Variants in LAMA4 observed in about 807,000 individuals in gnomAD.
LAMA4 encodes laminin subunit alpha-4.
LAMA4 carries 127 observed loss-of-function variants against 207.1 expected under a neutral mutation model. The ratio of observed to expected loss-of-function variants is 0.61; its 90% confidence interval spans 0.53 to 0.71. The LOEUF (loss-of-function observed/expected upper bound fraction) is 0.71. Among genes scored for constraint, LAMA4 ranks in the 30% least tolerant of loss-of-function variants. The pLI, the probability that LAMA4 is intolerant of heterozygous loss-of-function variation, is 0.00. For synonymous variants in LAMA4, 761 were observed against 816.0 expected (o/e 0.93, Z 1.15); for missense variants, 2,093 against 2,246.5 (o/e 0.93, Z 1.38).
Position 112,253,910 on chromosome 6 carries a change from G to A in LAMA4, c.195+46C>T, listed in dbSNP as rs1554190413. Reference sequence around the variant, plus strand: ...AAGGACGAGTGTGGCACAGCCCGCGGGGGCGCAGGTGCCCCAGCAGGGTGG... The same window carrying A: ...AAGGACGAGTGTGGCACAGCCCGCGAGGGCGCAGGTGCCCCAGCAGGGTGG... On this transcript the variant is annotated intron_variant, in intron 2 of 38. Transcript: ENST00000230538. The A allele has an allele frequency of 1.9e-6, 3 of 1,613,132 alleles. No individual in the cohort carries two copies. The African/African-American group carries it at 4.0e-5, about 22-fold the overall frequency.
intron 4 of LAMA4, among the ~76,000 whole-genome samples, chr6:112,203,073 G>A (rs1441965100): frequency 6.6e-6 from 1 of 152,192 alleles, no homozygotes; most frequent in Non-Finnish European, 1.5e-5. Flanking sequence ...ACTGGTCTCT[G>A]TGGCGAAGGC....
chr6:112,240,366 G>A (rs1786321140), intron 2 of LAMA4, among the ~76,000 whole-genome samples: 1 of 152,086 alleles, frequency 6.6e-6, no homozygotes. Flanking sequence ...AGAGAATGGT[G>A]TATCCATCCC....
intron 17 of LAMA4, among the ~76,000 whole-genome samples, chr6:112,148,718 A>G (rs1444277142): frequency 3.3e-5 from 5 of 152,056 alleles, no homozygotes; most frequent in African/African-American, 4.8e-5. Flanking sequence ...TTTTTTTAAT[A>G]GAAAAAAAGC....
intron 9 of LAMA4, chr6:112,180,051 C>A: frequency 2.6e-6 from 1 of 391,060 alleles, no homozygotes; most frequent in South Asian, 2.0e-5. Context: ...AATACGGACA[C>A]AAGCATTTAA....
chr6:112,192,053 T>C (rs181711586), intron 5 of LAMA4, among the ~76,000 whole-genome samples: 2 of 152,368 alleles, frequency 1.3e-5, no homozygotes, highest in East Asian at 3.9e-4. Flanking sequence ...ATCATTTGGT[T>C]CACTTCATCT....
rs918304609 is a variant in LAMA4 at position 112,165,286 on chromosome 6, G to A, written c.1552-10C>T. 3 of 1,529,380 alleles carry A rather than the reference G, an allele frequency of 2.0e-6. No individual in the cohort carries two copies. Among genetic ancestry groups the A allele is most frequent in the African/African-American group, 2.7e-5 (2 of 73,320 alleles). The allele number at this position is 1,529,380 out of a possible 1,614,324, so 94.7% of individuals were successfully genotyped here. On this transcript the variant is annotated splice_polypyrimidine_tract_variant and intron_variant, in intron 12 of 38. Coordinates refer to ENST00000230538, the MANE Select transcript of LAMA4 (RefSeq NM_001105206.3). ...CTCTTTCCTGTTGTTTCTGCGGGAA[G>A]GAAGAGTAAGGGAGAGTGAAGTGAA...
chr6:112,139,107 T>C lies in LAMA4; in HGVS notation c.3282+13A>G, dbSNP rs369965123. 4 of 1,613,038 alleles carry C rather than the reference T, an allele frequency of 2.5e-6. No homozygotes were observed. Among genetic ancestry groups the C allele is most frequent in the Admixed American group, 1.7e-5 (1 of 60,014 alleles). ...AATAAAGGAGAAGTAGTAGGACTTG[T>C]ATTTTTACTCACTCCATTGACCATC... is the stretch of plus-strand genomic sequence containing the variant. On this transcript the variant is annotated intron_variant, in intron 24 of 38. Transcript: ENST00000230538.
At chr6:112,133,541 C>T in intron 26 of LAMA4, 54 bp from the exon 27 acceptor site, 1 of 1,599,590 alleles carries the variant, frequency 6.3e-7, no homozygotes, top group Non-Finnish European at 8.6e-7. Context: ...TGTTACCCTG[C>T]ATATGTAGGC....
At chr6:112,188,167 C>T (rs1246462513) in intron 7 of LAMA4, among the ~76,000 whole-genome samples, 1 of 152,194 alleles carries the variant, frequency 6.6e-6, no homozygotes, top group Non-Finnish European at 1.5e-5. Context: ...TGCCTGTTCC[C>T]GATCTCTTTC....
In LAMA4 at chr6:112,155,615, C is replaced by A; in HGVS notation, c.1909G>T (p.Ala637Ser). The A allele has an allele frequency of 6.2e-7, 1 of 1,614,086 alleles. No homozygotes were observed. The highest frequency in any genetic ancestry group is 8.5e-7 in the Non-Finnish European group (1 of 1,179,940). ...YENIVNYVSEANETAEFALNT... is the reference protein window; with the variant it reads ...YENIVNYVSESNETAEFALNT... ...AAAGCAAATTCTGCTGTTTCATTGG[C>A]TTCACTAACATAATTAACAATATTT... Residue 637 changes from alanine (A) to serine (S), a missense_variant, in exon 15 of 39, where the codon GCC (alanine) becomes TCC (serine). This residue lies in a region of LAMA4 where 1,704 missense variants were observed against 1,788.4 expected (regional missense o/e 0.95). Transcript: ENST00000230538.
At position 112,253,748 on chromosome 6, in the gene LAMA4, C is replaced by A. The variant is rs188761597; in HGVS notation, c.195+208G>T. The A allele has an allele frequency of 2.1e-4, 339 of 1,613,624 alleles. No individual in the cohort carries two copies. In the African/African-American group the frequency reaches 3.8e-3, roughly 18 times the overall value. ...TCTCACCCCTTTGAGCAGACACATT[C>A]CGAAGCCTCAACTTTCAACTCTCAA... On this transcript the variant is annotated intron_variant, in intron 2 of 38. Transcript: ENST00000230538.
intron 2 of LAMA4, among the ~76,000 whole-genome samples, chr6:112,237,647 CAG>C (rs1466921126): frequency 2.6e-5 from 4 of 152,236 alleles, no homozygotes; most frequent in South Asian, 4.1e-4. Flanking sequence ...AAGGTCTCTG[CAG>C]AGACTTCTCT....
At chr6:112,139,094 G>A in intron 24 of LAMA4, 26 bp downstream of exon 24, 1 of 1,606,684 alleles carries the variant, frequency 6.2e-7, no homozygotes, top group Non-Finnish European at 8.5e-7. Flanking sequence ...TAAAGGAGAA[G>A]TAGTAGGACT....
At chr6:112,224,633 T>C (rs782138767) in intron 2 of LAMA4, among the ~76,000 whole-genome samples, 1 of 152,060 alleles carries the variant, frequency 6.6e-6, no homozygotes, top group Non-Finnish European at 1.5e-5. Flanking sequence ...CTGGCCAACA[T>C]GGTGAAACCC....
At chr6:112,253,711 C>G in intron 2 of LAMA4, 1 of 1,596,280 alleles carries the variant, frequency 6.3e-7, no homozygotes, top group East Asian at 2.2e-5. Flanking sequence ...CTCAGAGCAC[C>G]AACACATGCA....
intron 14 of LAMA4, 147 bp downstream of exon 14, chr6:112,158,585 C>G (rs1336455794): frequency 3.7e-6 from 3 of 814,424 alleles, no homozygotes; most frequent in Admixed American, 2.0e-5. Flanking sequence ...AGGAACCAAC[C>G]AACCAACCAA....
At chr6:112,110,283 T>C (rs1392348634) in intron 38 of LAMA4, among the ~76,000 whole-genome samples, 1 of 152,228 alleles carries the variant, frequency 6.6e-6, no homozygotes, top group Non-Finnish European at 1.5e-5. Flanking sequence ...ATAGAAGCAA[T>C]ATAATTTAAA....
chr6:112,150,071 T>G (rs1490069738), intron 17 of LAMA4, among the ~76,000 whole-genome samples: 1 of 152,148 alleles, frequency 6.6e-6, no homozygotes, highest in African/African-American at 2.4e-5. Flanking sequence ...TGACTTGACA[T>G]GTAACAGAGG....
intron 9 of LAMA4, among the ~76,000 whole-genome samples, chr6:112,183,288 TA>T (rs1280102856): frequency 2.0e-5 from 3 of 152,210 alleles, no homozygotes; most frequent in Non-Finnish European, 2.9e-5. Flanking sequence ...GAAGAATGCT[TA>T]AAAAGTCATT....
Sources: gnomAD v4.1 joint callset for allele counts (sites outside exome capture counted in the v4.1 genomes callset) on GRCh38, gnomAD v4.1.1 for gene constraint, gnomAD v4.1.1 regional missense constraint, MANE v1.5 for transcripts, NCBI Gene and HGNC (gene_info 2026-07-23, HGNC 2026-07-21) for gene names.